The following CALCR variants were observed in gnomAD, a reference collection of about 807,000 sequenced individuals.
CALCR encodes the protein calcitonin receptor.
CALCR carries 47 observed loss-of-function variants against 59.5 expected under a neutral mutation model. The ratio of observed to expected loss-of-function variants is 0.79; its 90% CI spans 0.63 to 1.01. The LOEUF (loss-of-function observed/expected upper bound fraction) is 1.01, where lower values mean the gene tolerates loss of function less well. CALCR is among the 50% of genes least tolerant of loss of function. The pLI is 0.00. For missense variants in CALCR, 566 were observed against 597.1 expected (o/e 0.95, Z 0.54); for synonymous variants, 213 against 211.3 (o/e 1.01, Z -0.07).
In CALCR at chr7:93,512,191, T is replaced by C. The variant is rs117843559; in HGVS notation, c.-26-25184A>G. ...TACATGTCTGGCAGAGTATGCTTTG[T>C]GACTATTACAGAAAGGACCTCAAAA... On this transcript the variant is annotated intron_variant, in intron 2 of 13. Coordinates refer to ENST00000426151, the MANE Select transcript of CALCR (RefSeq NM_001742.4). Among the ~76,000 whole-genome samples the C allele has an allele frequency of 1.1e-4, 17 of 152,286 alleles. No homozygotes were observed. The East Asian group carries it at 3.3e-3, about 29-fold the overall frequency.
intron 2 of CALCR, among the ~76,000 whole-genome samples, chr7:93,568,950 T>G (rs981412320): frequency 1.3e-5 from 2 of 152,188 alleles, no homozygotes; most frequent in Non-Finnish European, 2.9e-5. Flanking sequence ...ACTTGGTGAA[T>G]GACATCACAT....
At chr7:93,535,503 T>C (rs1788960472) in intron 2 of CALCR, among the ~76,000 whole-genome samples, 1 of 151,740 alleles carries the variant, frequency 6.6e-6, no homozygotes, top group Non-Finnish European at 1.5e-5. Context: ...TATGCTAAAG[T>C]CTTATGAACT....
chr7:93,506,169 TG>T (rs756388202), intron 2 of CALCR, among the ~76,000 whole-genome samples: 34 of 152,144 alleles, frequency 2.2e-4, no homozygotes, highest in Non-Finnish European at 3.8e-4. Flanking sequence ...TTAGTTTTCT[TG>T]GTATGAGATG....
intron 8 of CALCR, among the ~76,000 whole-genome samples, chr7:93,457,354 C>G (rs1800229043): frequency 6.6e-6 from 1 of 152,028 alleles, no homozygotes; most frequent in African/African-American, 2.4e-5. Flanking sequence ...ATGCATAAAG[C>G]TACATGGTTT....
At chr7:93,495,778 G>C in intron 2 of CALCR, 1 of 834,216 alleles carries the variant, frequency 1.2e-6, no homozygotes, top group Admixed American at 2.4e-5. Context: ...AGATCAATGT[G>C]GAGCCTAAAA....
intron 8 of CALCR, among the ~76,000 whole-genome samples, chr7:93,455,254 G>T (rs1227088056): frequency 6.6e-6 from 1 of 151,826 alleles, no homozygotes; most frequent in African/African-American, 2.4e-5. Flanking sequence ...ACATATGCCC[G>T]AATTACTGAC....
intron 2 of CALCR, among the ~76,000 whole-genome samples, chr7:93,529,681 C>T (rs1221651202): frequency 2.0e-5 from 3 of 152,018 alleles, no homozygotes; most frequent in Non-Finnish European, 2.9e-5. Context: ...AGACATACAA[C>T]TTTGATTAAA....
intron 8 of CALCR, among the ~76,000 whole-genome samples, chr7:93,450,896 T>C (rs1409162690): frequency 2.0e-5 from 3 of 152,008 alleles, no homozygotes; most frequent in African/African-American, 7.2e-5. Flanking sequence ...TGGGAAAATT[T>C]AAATAAAACA....
At chr7:93,474,908 A>G (rs960017682) in intron 5 of CALCR, among the ~76,000 whole-genome samples, 6 of 151,818 alleles carry the variant, frequency 4.0e-5, no homozygotes, top group African/African-American at 1.4e-4. Context: ...GGAAATCAGA[A>G]TCATATGGTA....
rs1417991945 is a variant in CALCR at position 93,478,751 on chromosome 7, TC to T, written c.205+602del. ...TTGCAATGAGCTTGCCCATCACATC[TC>T]CCCTTTTGTTTTTCTATGGGTCCTC... On this transcript the variant is annotated intron_variant, in intron 4 of 13. Coordinates refer to ENST00000426151, the MANE Select transcript of CALCR (RefSeq NM_001742.4). Among the ~76,000 whole-genome samples, 8 of 151,774 alleles carry T rather than the reference TC, an allele frequency of 5.3e-5. No homozygotes were observed. In the East Asian group the frequency reaches 1.6e-3, roughly 30 times the overall value.
intron 2 of CALCR, among the ~76,000 whole-genome samples, chr7:93,570,949 A>C (rs1789991247): frequency 6.6e-6 from 1 of 152,226 alleles, no homozygotes; most frequent in African/African-American, 2.4e-5. Context: ...CATTTTTTCT[A>C]CTGATTATTC....
rs1251491205 is a variant in CALCR, at chr7:93,425,398, T to C, written c.*958A>G. 2 of 152,592 alleles carry C rather than the reference T, an allele frequency of 1.3e-5. No homozygotes were observed. Among genetic ancestry groups the C allele is most frequent in the Non-Finnish European group, 2.9e-5 (2 of 68,014 alleles). The allele number at this position is 152,592 out of a possible 1,614,324, so 9.5% of individuals were successfully genotyped here. A position where few individuals can be genotyped will look rare whatever the true frequency, so the allele number is the denominator to read the frequency against. On this transcript the variant is annotated 3_prime_UTR_variant, in exon 14 of 14. Coordinates refer to ENST00000426151, the MANE Select transcript of CALCR (RefSeq NM_001742.4). ...TTATGTGGAGTCTTTTAATTACCAA[T>C]ATTCAACAAATTTATCTTTTACTGC... is the stretch of plus-strand genomic sequence containing the variant.
At chr7:93,438,779 G>A (rs1201498149) in intron 9 of CALCR, among the ~76,000 whole-genome samples, 2 of 151,912 alleles carry the variant, frequency 1.3e-5, no homozygotes, top group African/African-American at 2.4e-5. Context: ...TGCAGTGATT[G>A]TTTCCTTTTA....
At chr7:93,520,384 G>A (rs1180385738) in intron 2 of CALCR, among the ~76,000 whole-genome samples, 1 of 152,018 alleles carries the variant, frequency 6.6e-6, no homozygotes, top group African/African-American at 2.4e-5. Flanking sequence ...ATTTTACCCA[G>A]CTGTTTTCCC....
chr7:93,514,244 T>C (rs1298102410), intron 2 of CALCR, among the ~76,000 whole-genome samples: 3 of 152,078 alleles, frequency 2.0e-5, no homozygotes, highest in African/African-American at 7.2e-5. Context: ...GCATGTTCAA[T>C]TTTGGTTACT....
At chr7:93,451,784 C>T (rs1024813725) in intron 8 of CALCR, among the ~76,000 whole-genome samples, 8 of 151,752 alleles carry the variant, frequency 5.3e-5, no homozygotes. Flanking sequence ...TTTTAAATTT[C>T]TCCTTTTATT....
intron 3 of CALCR, among the ~76,000 whole-genome samples, chr7:93,481,632 A>G (rs1273585760): frequency 2.6e-5 from 4 of 151,874 alleles, no homozygotes; most frequent in Non-Finnish European, 4.4e-5. Context: ...AAGCCATCCT[A>G]GTGGAAATAT....
intron 2 of CALCR, among the ~76,000 whole-genome samples, chr7:93,540,575 A>G (rs769171234): frequency 1.3e-5 from 2 of 152,114 alleles, no homozygotes; most frequent in Non-Finnish European, 2.9e-5. Context: ...TAAATGGCTA[A>G]TAAACTCTAT....
chr7:93,524,176 T>G (rs1438230300), intron 2 of CALCR, among the ~76,000 whole-genome samples: 1 of 147,558 alleles, frequency 6.8e-6, no homozygotes, highest in East Asian at 1.9e-4. Context: ...TTTTTTTTCT[T>G]TTTTTTTTTT....
Sources: gnomAD v4.1 joint callset for allele counts (sites outside exome capture counted in the v4.1 genomes callset) on GRCh38, gnomAD v4.1.1 for gene constraint, MANE v1.5 for transcripts, NCBI Gene and HGNC (gene_info 2026-07-23, HGNC 2026-07-21) for gene names.